Variants in RASAL2 observed in about 807,000 individuals in gnomAD.
RASAL2 encodes RAS protein activator like 2.
In RASAL2, 58 loss-of-function variants were observed where a neutral mutation model predicts 128.9. That is an observed-to-expected ratio of 0.45 (90% CI 0.36 to 0.56). The LOEUF is 0.56. Ranked by LOEUF, RASAL2 falls within the 20% of genes least tolerant of loss-of-function variation. The pLI, the probability that RASAL2 is intolerant of heterozygous loss-of-function variation, is 0.00. For synonymous variants in RASAL2, 561 were observed against 580.8 expected (o/e 0.97, Z 0.49); for missense variants, 1,360 against 1,601.6 (o/e 0.85, Z 2.57).
intron 17 of RASAL2, among the ~76,000 whole-genome samples, chr1:178,468,378 T>G (rs533193905): frequency 6.6e-6 from 1 of 152,212 alleles, no homozygotes; most frequent in Admixed American, 6.5e-5. Context: ...ATAGATAGCC[T>G]CCTCCCTTCT....
Position 178,398,995 on chromosome 1 carries a change from G to T in RASAL2, c.564+8789G>T, listed in dbSNP as rs374577789. Among the ~76,000 whole-genome samples the T allele has an allele frequency of 1.5e-4, 23 of 152,336 alleles. 2 individuals are homozygous for T. Among genetic ancestry groups the T allele is most frequent in the Admixed American group, 1.0e-3 (16 of 15,308 alleles). Reference sequence around the variant, plus strand: ...AAAGGCTCAATGCATGAAGTTCAATGCTGTATTGTTGCCATCTCAAAGTTC... The same window carrying T: ...AAAGGCTCAATGCATGAAGTTCAATTCTGTATTGTTGCCATCTCAAAGTTC... On this transcript the variant is annotated intron_variant, in intron 4 of 17. Transcript: ENST00000367649.
At chr1:178,341,039 T>C (rs1669850031) in intron 3 of RASAL2, among the ~76,000 whole-genome samples, 1 of 152,214 alleles carries the variant, frequency 6.6e-6, no homozygotes, top group African/African-American at 2.4e-5. Context: ...TAGTTTAAGA[T>C]AGTAATGTAT....
chr1:178,149,358 T>A (rs185887634), intron 1 of RASAL2, among the ~76,000 whole-genome samples: 2 of 152,280 alleles, frequency 1.3e-5, no homozygotes, highest in East Asian at 3.9e-4. Context: ...CAAAGGTAGA[T>A]TTATTTTTCA....
intron 3 of RASAL2, among the ~76,000 whole-genome samples, chr1:178,358,491 A>C (rs1466678568): frequency 6.6e-6 from 1 of 152,128 alleles, no homozygotes; most frequent in African/African-American, 2.4e-5. Context: ...TGACCAACTC[A>C]ATAGAAAAGT....
At chr1:178,430,541 T>C (rs985015761) in intron 5 of RASAL2, among the ~76,000 whole-genome samples, 4 of 152,114 alleles carry the variant, frequency 2.6e-5, no homozygotes, top group East Asian at 1.9e-4. Context: ...GCATGTCATA[T>C]CACTGCAAAA....
At chr1:178,371,320 T>TCC (rs1394688189) in intron 3 of RASAL2, among the ~76,000 whole-genome samples, 1 of 102,230 alleles carries the variant, frequency 9.8e-6, no homozygotes, top group Admixed American at 9.5e-5. Context: ...CAGCCTTCTT[T>TCC]CCCACACACA....
Position 178,456,881 on chromosome 1 carries a change from T to G in RASAL2, c.2372T>G (p.Phe791Cys), listed in dbSNP as rs534954695. The change falls in exon 13 of 18, where the codon TTT becomes TGT. Residue 791 changes from phenylalanine (F) to cysteine (C), a missense_variant. Phe to Cys is a radical substitution (Grantham distance 205). This residue lies in a region of RASAL2 where 741 missense variants were observed against 868.6 expected (regional missense o/e 0.85). Coordinates refer to ENST00000367649, the MANE Select transcript of RASAL2 (RefSeq NM_170692.4). ...GSLSSGLQKI[F>C]EDPTDSDLHK... ...CTCTCCTCTGGGCTGCAGAAAATAT[T>G]TGAAGACCCCACTGACAGGTATGAA... The G allele has an allele frequency of 3.1e-6, 5 of 1,613,962 alleles. No individual in the cohort carries two copies. The highest frequency in any genetic ancestry group is 4.2e-6 in the Non-Finnish European group (5 of 1,180,020).
chr1:178,319,901 C>G (rs543491477), intron 3 of RASAL2, among the ~76,000 whole-genome samples: 2 of 152,174 alleles, frequency 1.3e-5, no homozygotes, highest in African/African-American at 4.8e-5. Flanking sequence ...TTTTCTGTTC[C>G]GTTTTTTCTC....
intron 8 of RASAL2, among the ~76,000 whole-genome samples, chr1:178,443,567 T>C (rs12048459): frequency 0.1 from 15,690 of 152,176 alleles, 858 homozygotes; most frequent in Middle Eastern, 0.15. Context: ...TAGAGTGTTG[T>C]ATGGTGGTTT....
intron 15 of RASAL2, 80 bp from the exon 16 acceptor site, chr1:178,465,830 AAGAAAGAAAG>A (rs1572129675): frequency 7.4e-6 from 8 of 1,080,220 alleles, no homozygotes; most frequent in Admixed American, 3.7e-5. Flanking sequence ...AAAAGAAAAA[AAGAAAGAAAG>A]AGAAAGAAAG....
In RASAL2 at chr1:178,320,613, C is replaced by T. The variant is rs557556964; in HGVS notation, c.457+20495C>T. ...GGAGAGGGAACTCCCTGACCCCTTG[C>T]GCTTCCCAGGTGAGGCAATGCCTCG... On this transcript the variant is annotated intron_variant, in intron 3 of 17. Transcript: ENST00000367649. 3.3e-5 allele frequency among the ~76,000 whole-genome samples: 5 copies of T among 152,334 alleles called. No individual in the cohort carries two copies. In the East Asian group the frequency reaches 5.8e-4, roughly 18 times the overall value.
intron 1 of RASAL2, among the ~76,000 whole-genome samples, chr1:178,255,051 C>A (rs911430990): frequency 6.6e-6 from 1 of 151,578 alleles, no homozygotes; most frequent in Non-Finnish European, 1.5e-5. Flanking sequence ...CCAAAAAAAC[C>A]CAAAAAAACT....
chr1:178,446,348 C>T (rs61813851), intron 9 of RASAL2, among the ~76,000 whole-genome samples: 2,731 of 152,082 alleles, frequency 0.018, 30 homozygotes, highest in Non-Finnish European at 0.027. Context: ...CAGCACTGTC[C>T]GATAGAAATA....
intron 3 of RASAL2, among the ~76,000 whole-genome samples, chr1:178,356,024 G>C (rs1670787867): frequency 6.6e-6 from 1 of 151,960 alleles, no homozygotes; most frequent in Non-Finnish European, 1.5e-5. Context: ...CAAAAAATTA[G>C]CCGGGATGGT....
chr1:178,394,297 G>A (rs968640747), intron 4 of RASAL2, among the ~76,000 whole-genome samples: 1 of 151,718 alleles, frequency 6.6e-6, no homozygotes, highest in African/African-American at 2.4e-5. Flanking sequence ...CTTTAACATC[G>A]TGCTAGACTT....
intron 14 of RASAL2, among the ~76,000 whole-genome samples, chr1:178,459,795 C>A (rs192458193): frequency 6.6e-6 from 1 of 152,204 alleles, no homozygotes; most frequent in East Asian, 1.9e-4. Flanking sequence ...TAAAGTTTTT[C>A]TACAGTCTTA....
At chr1:178,411,726 G>A in intron 4 of RASAL2, 1 of 804,020 alleles carries the variant, frequency 1.2e-6, no homozygotes, top group South Asian at 1.3e-5. Context: ...TCTGCCGTGT[G>A]ACTGGTGGGA....
chr1:178,288,924 T>C (rs1667157214), intron 2 of RASAL2, among the ~76,000 whole-genome samples: 1 of 152,178 alleles, frequency 6.6e-6, no homozygotes, highest in African/African-American at 2.4e-5. Context: ...GTGCTGGGAT[T>C]ACAGGTGTGA....
chr1:178,251,745 C>G (rs948640761), intron 1 of RASAL2, among the ~76,000 whole-genome samples: 2 of 152,146 alleles, frequency 1.3e-5, no homozygotes, highest in Admixed American at 1.3e-4. Context: ...AAAAGTAAAA[C>G]AGTCTTTTTC....
Sources: gnomAD v4.1 joint callset for allele counts (sites outside exome capture counted in the v4.1 genomes callset) on GRCh38, gnomAD v4.1.1 for gene constraint, gnomAD v4.1.1 regional missense constraint, MANE v1.5 for transcripts, NCBI Gene and HGNC (gene_info 2026-07-23, HGNC 2026-07-21) for gene names.